NDUFB1: variants seen among roughly 807,000 people sequenced by gnomAD.
NDUFB1 encodes NADH dehydrogenase [ubiquinone] 1 beta subcomplex subunit 1.
A neutral mutation model predicts 6.7 loss-of-function variants in NDUFB1; 6 were observed. The ratio of observed to expected loss-of-function variants is 0.89; its 90% confidence interval spans 0.49 to 1.76. The LOEUF is 1.76. NDUFB1 is among the 40% of genes most tolerant of loss of function. NDUFB1 has a pLI of 0.01. For missense variants in NDUFB1, 56 were observed against 71.0 expected (o/e 0.79, Z 0.76); for synonymous variants, 17 against 22.9 (o/e 0.74, Z 0.74).
chr14:92,119,352 CCAT>C (rs2068737640), intron 1 of NDUFB1, among the ~76,000 whole-genome samples: 1 of 151,482 alleles, frequency 6.6e-6, no homozygotes, highest in Non-Finnish European at 1.5e-5. Context: ...GGTACCAGAG[CCAT>C]CATCTATTTC....
At chr14:92,121,450 T>G in intron 1 of NDUFB1, 192 bp downstream of exon 1, 1 of 840,344 alleles carries the variant, frequency 1.2e-6, no homozygotes, top group South Asian at 1.8e-5. Flanking sequence ...TTCCAAAAGC[T>G]CCGGCCCGGA....
intron 1 of NDUFB1, chr14:92,121,293 A>C: frequency 2.4e-6 from 1 of 420,252 alleles, no homozygotes; most frequent in East Asian, 5.0e-5. Flanking sequence ...GACGAATGTA[A>C]GCTGCTCGCG....
chr14:92,117,678 T>TTTTC, intron 1 of NDUFB1, 36 bp from the exon 2 acceptor site: 1 of 1,501,690 alleles, frequency 6.7e-7, no homozygotes, highest in Admixed American at 2.0e-5. Context: ...ATACAACTGC[T>TTTTC]TTGTTTTTTT....
intron 2 of NDUFB1, among the ~76,000 whole-genome samples, chr14:92,117,066 T>C (rs1325521983): frequency 1.3e-5 from 2 of 152,246 alleles, no homozygotes; most frequent in African/African-American, 4.8e-5. Context: ...GCTATCACTC[T>C]ACCACCAGGT....
chr14:92,119,687 T>C (rs148127847), intron 1 of NDUFB1, among the ~76,000 whole-genome samples: 3 of 152,314 alleles, frequency 2.0e-5, no homozygotes, highest in East Asian at 1.9e-4. Flanking sequence ...ATCTTGGGGA[T>C]AGGACCGAAT....
intron 1 of NDUFB1, among the ~76,000 whole-genome samples, chr14:92,119,720 T>C (rs7158932): frequency 0.41 from 62,788 of 151,968 alleles, 13,925 homozygotes; most frequent in East Asian, 0.84. Flanking sequence ...TTCATTTGTG[T>C]TTTATATATA....
rs1182313775 is a variant in NDUFB1, at chr14:92,117,745, C to T, written c.-5-103G>A. ...AGGTGCGGTGGTTCATGCCTGTAAT[C>T]CTAGCACTTTGGGATGCTGAGGTGG... On this transcript the variant is annotated intron_variant, in intron 1 of 2. Coordinates refer to ENST00000605997, the MANE Select transcript of NDUFB1 (RefSeq NM_004545.4). The T allele has an allele frequency of 3.4e-6, 4 of 1,178,310 alleles. No individual in the cohort carries two copies. In the African/African-American group the frequency reaches 6.2e-5, roughly 18 times the overall value. 73.0% of individuals were successfully genotyped at this position (1,178,310 alleles called of 1,614,324 possible).
rs1172549819 is a variant in NDUFB1 at position 92,116,246 on chromosome 14, AAAGG to A, written c.141-21_141-18del. 2 of 1,610,336 alleles carry A rather than the reference AAAGG, an allele frequency of 1.2e-6. No homozygotes were observed. Among genetic ancestry groups the A allele is most frequent in the African/African-American group, 2.7e-5 (2 of 74,612 alleles). Reference sequence around the variant, plus strand: ...TGCAATTCCCTGTGTGGAAAGCAAAAAAGGAAGAAATGGAAAAACTGTAAATAAA... The same window carrying A: ...TGCAATTCCCTGTGTGGAAAGCAAAAAAGAAATGGAAAAACTGTAAATAAA... On this transcript the variant is annotated intron_variant, in intron 2 of 2. Transcript: ENST00000605997.
At chr14:92,117,720 A>AAG in intron 1 of NDUFB1, 78 bp from the exon 2 acceptor site, 1 of 1,433,852 alleles carries the variant, frequency 7.0e-7, no homozygotes, top group Non-Finnish European at 9.6e-7. Flanking sequence ...CATCTGGGCC[A>AAG]GGTGCGGTGG....
intron 1 of NDUFB1, among the ~76,000 whole-genome samples, chr14:92,119,165 AG>A (rs2068736225): frequency 6.6e-6 from 1 of 152,000 alleles, no homozygotes; most frequent in Admixed American, 6.6e-5. Flanking sequence ...TCAAAAAATT[AG>A]CTGGGTGTGG....
chr14:92,119,425 A>G (rs1336296515), intron 1 of NDUFB1, among the ~76,000 whole-genome samples: 1 of 152,204 alleles, frequency 6.6e-6, no homozygotes, highest in African/African-American at 2.4e-5. Flanking sequence ...AGCTTAATCC[A>G]AATAGCTATT....
intron 2 of NDUFB1, among the ~76,000 whole-genome samples, chr14:92,116,447 C>T (rs572249728): frequency 6.6e-6 from 1 of 150,446 alleles, no homozygotes; most frequent in South Asian, 2.1e-4. Context: ...GATTATCCTG[C>T]CTCACCCTCC....
chr14:92,116,666 T>A (rs904647869), intron 2 of NDUFB1, among the ~76,000 whole-genome samples: 2 of 152,188 alleles, frequency 1.3e-5, no homozygotes, highest in Non-Finnish European at 1.5e-5. Context: ...CCGATCCATT[T>A]AAAAAATTTA....
intron 2 of NDUFB1, among the ~76,000 whole-genome samples, chr14:92,116,678 A>G (rs1567010814): frequency 6.6e-6 from 1 of 152,138 alleles, no homozygotes; most frequent in South Asian, 2.1e-4. Context: ...AAAAATTTAC[A>G]TATTAGATTC....
chr14:92,117,265 A>G (rs1186761032), intron 2 of NDUFB1, among the ~76,000 whole-genome samples: 2 of 152,236 alleles, frequency 1.3e-5, no homozygotes, highest in African/African-American at 4.8e-5. Flanking sequence ...TTAAAAAAAG[A>G]CGATACTTTC....
At chr14:92,120,850 C>T (rs1270844409) in intron 1 of NDUFB1, among the ~76,000 whole-genome samples, 4 of 148,782 alleles carry the variant, frequency 2.7e-5, no homozygotes, top group Non-Finnish European at 4.5e-5. Flanking sequence ...CTAAGCCTGG[C>T]CATACTTTTG....
At chr14:92,120,349 CT>C (rs768894951) in intron 1 of NDUFB1, 117 of 143,064 alleles carry the variant, frequency 8.2e-4, no homozygotes, top group Non-Finnish European at 7.6e-4. Flanking sequence ...TTTTTCTTTC[CT>C]TTTTTTTTTT....
chr14:92,121,633 C>G lies in NDUFB1; in HGVS notation c.-6+9G>C. Reference sequence around the variant, plus strand: ...CGTCGCGGCGGCCCCCCGGGCTCCCCAAACCCACCTGCAGCCTCAGCGCCT... The same window carrying G: ...CGTCGCGGCGGCCCCCCGGGCTCCCGAAACCCACCTGCAGCCTCAGCGCCT... On this transcript the variant is annotated intron_variant, in intron 1 of 2. Coordinates refer to ENST00000605997, the MANE Select transcript of NDUFB1 (RefSeq NM_004545.4). The G allele has an allele frequency of 6.2e-7, 1 of 1,612,942 alleles. No homozygotes were observed. The highest frequency in any genetic ancestry group is 8.5e-7 in the Non-Finnish European group (1 of 1,179,778).
At chr14:92,120,420 G>C (rs1596117253) in intron 1 of NDUFB1, 1 of 149,236 alleles carries the variant, frequency 6.7e-6, no homozygotes, top group Non-Finnish European at 1.5e-5. Flanking sequence ...GCGCAATCTT[G>C]GCTCACAGCA....
Sources: allele counts gnomAD v4.1 joint callset (sites outside exome capture counted in the v4.1 genomes callset), GRCh38; gene constraint gnomAD v4.1.1; transcripts MANE v1.5; gene names NCBI Gene and HGNC (gene_info 2026-07-23, HGNC 2026-07-21).